SP8: variants seen among roughly 807,000 people sequenced by gnomAD.
SP8 encodes Sp8 transcription factor.
SP8 carries 7 observed loss-of-function variants against 15.3 expected under a neutral mutation model. That is an observed-to-expected ratio of 0.46 (90% confidence interval 0.26 to 0.86). SP8 has a LOEUF of 0.86. Among genes scored for constraint, SP8 ranks in the 40% least tolerant of loss-of-function variants. The probability of loss-of-function intolerance (pLI) is 0.16; values close to 1 mark genes in which losing one functional copy is unlikely to be tolerated. For synonymous variants in SP8, 415 were observed against 356.3 expected (o/e 1.16, Z -1.86); for missense variants, 731 against 736.4 (o/e 0.99, Z 0.09).
Position 20,786,019 on chromosome 7 carries a change from G to A in SP8, c.22-224C>T, listed in dbSNP as rs1488079531. ...GGAGGGGACAAGTTTGGCTGCCGGC[G>A]TCTGATTCGGGAGCAAGCACCACGC... On this transcript the variant is annotated intron_variant, in intron 1 of 1. Transcript: ENST00000418710. The surrounding 1 kb of genome is among the most constrained non-coding windows in gnomAD (Gnocchi z 4.4). 1.4e-6 allele frequency: 2 copies of A among 1,401,168 alleles called. No homozygotes were observed. The highest frequency in any genetic ancestry group is 1.4e-5 in the African/African-American group (1 of 69,156). The allele number at this position is 1,401,168 out of a possible 1,614,324, so 86.8% of individuals were successfully genotyped here.
At position 20,785,338 on chromosome 7, in the gene SP8, CCG is replaced by C; in HGVS notation, c.477_478del (p.Gly161ArgfsTer47). The C allele has an allele frequency of 4.0e-6, 5 of 1,249,650 alleles. No homozygotes were observed. The highest frequency in any genetic ancestry group is 4.2e-6 in the Non-Finnish European group (4 of 948,354). The allele number at this position is 1,249,650 out of a possible 1,614,324, so 77.4% of individuals were successfully genotyped here. On this transcript the variant is annotated frameshift_variant, in exon 2 of 2. Coordinates refer to ENST00000418710, the MANE Select transcript of SP8 (RefSeq NM_182700.6). LOFTEE classifies it low-confidence loss of function (END_TRUNC). This position sits in a 1 kb window ranked among gnomAD's most constrained non-coding sequence, Gnocchi z 7.2. ...CGCGGAGGAGCCGCCGCCGCCGCCC[CCG>C]CCGCCGCCGCCGCTGCCCCCGGAAA...
At position 20,785,807 on chromosome 7, in the gene SP8, A is replaced by G. The variant is rs753539005; in HGVS notation, c.22-12T>C. ...AACCTCGGTTCTTCCTGCGAGGAGGAGAGGAGAAGGAGTGGGGGAGGGGAG... is the reference window on the plus strand; with the variant it reads ...AACCTCGGTTCTTCCTGCGAGGAGGGGAGGAGAAGGAGTGGGGGAGGGGAG... On this transcript the variant is annotated splice_polypyrimidine_tract_variant and intron_variant, in intron 1 of 1. Coordinates refer to ENST00000418710, the MANE Select transcript of SP8 (RefSeq NM_182700.6). The surrounding 1 kb of genome is among the most constrained non-coding windows in gnomAD (Gnocchi z 7.2). The G allele has an allele frequency of 2.3e-5, 33 of 1,424,006 alleles. No individual in the cohort carries two copies. The Admixed American group carries it at 3.0e-4, about 13-fold the overall frequency. The allele number at this position is 1,424,006 out of a possible 1,614,324, so 88.2% of individuals were successfully genotyped here.
At position 20,785,453 on chromosome 7, in the gene SP8, T is replaced by C; in HGVS notation, c.364A>G (p.Ser122Gly). The C allele has an allele frequency of 4.3e-6, 5 of 1,162,878 alleles. No homozygotes were observed. Among genetic ancestry groups the C allele is most frequent in the Non-Finnish European group, 5.4e-6 (5 of 931,282 alleles). 72.0% of individuals were successfully genotyped at this position (1,162,878 alleles called of 1,614,324 possible). A position where few individuals can be genotyped will look rare whatever the true frequency, so the allele number is the denominator to read the frequency against. Residue 122 changes from serine to glycine, a missense_variant, in exon 2 of 2, where the codon AGC (serine) becomes GGC (glycine). By Grantham distance (56) the Ser-to-Gly change is moderately conservative (BLOSUM62 0). Transcript: ENST00000418710. This position sits in a 1 kb window ranked among gnomAD's most constrained non-coding sequence, Gnocchi z 7.2. ...GCGGCGGCGGCGGCGGCTGCGGCGC[T>C]GCTGGAGGTGAGGGAGAAGGCGCTG... is the stretch of plus-strand genomic sequence containing the variant. The part of the protein sequence containing the change: ...GSSAFSLTSS[S>G]AAAAAAAAAA...
Position 20,784,381 on chromosome 7 carries a change from T to G in SP8, c.1436A>C (p.Asp479Ala). Residue 479 changes from aspartate (D) to alanine (A), a missense_variant, in exon 2 of 2, where the codon GAC (aspartate) becomes GCC (alanine). This residue lies in a region of SP8 where 114 missense variants were observed against 111.9 expected (regional missense o/e 1.02). Coordinates refer to ENST00000418710, the MANE Select transcript of SP8 (RefSeq NM_182700.6). ...GSGGKKGSDT[D>A]SEHSAAGSPP... ...GCTGCCCGCGGCGCTGTGCTCGCTG[T>G]CGGTGTCGCTGCCCTTCTTGCCGCC... The G allele has an allele frequency of 1.3e-6, 2 of 1,526,464 alleles. No individual in the cohort carries two copies. Among genetic ancestry groups the G allele is most frequent in the Non-Finnish European group, 1.7e-6 (2 of 1,143,210 alleles). The allele number at this position is 1,526,464 out of a possible 1,614,324, so 94.6% of individuals were successfully genotyped here.
rs1404033554 is a variant in SP8 at position 20,782,796 on chromosome 7, T to G, written c.*1494A>C. 9 of 152,528 alleles carry G rather than the reference T, an allele frequency of 5.9e-5. No homozygotes were observed. The allele number at this position is 152,528 out of a possible 1,614,324, so 9.4% of individuals were successfully genotyped here. A position where few individuals can be genotyped will look rare whatever the true frequency, so the allele number is the denominator to read the frequency against. On this transcript the variant is annotated 3_prime_UTR_variant, in exon 2 of 2. Transcript: ENST00000418710. ...CCTCCAGAAGTGAGTTCAAAAAACCTGCAGCTCATCAGAACTGCAACAATA... is the reference window on the plus strand; with the variant it reads ...CCTCCAGAAGTGAGTTCAAAAAACCGGCAGCTCATCAGAACTGCAACAATA...
In SP8 at chr7:20,785,334, GCCC is replaced by G. The variant is rs1562606805; in HGVS notation, c.480_482del (p.Gly165del). 1 of 1,324,662 alleles carries G rather than the reference GCCC, an allele frequency of 7.5e-7. No homozygotes were observed. The highest frequency in any genetic ancestry group is 1.0e-6 in the Non-Finnish European group (1 of 982,390). The allele number at this position is 1,324,662 out of a possible 1,614,324, so 82.1% of individuals were successfully genotyped here. ...AGTGCGCGGAGGAGCCGCCGCCGCC[GCCC>G]CCGCCGCCGCCGCCGCTGCCCCCGG... On this transcript the variant is annotated inframe_deletion, in exon 2 of 2. Transcript: ENST00000418710. This position sits in a 1 kb window ranked among gnomAD's most constrained non-coding sequence, Gnocchi z 7.2.
In SP8 at chr7:20,785,304, C is replaced by A; in HGVS notation, c.513G>T (p.Gln171His). 1 of 1,535,530 alleles carries A rather than the reference C, an allele frequency of 6.5e-7. No homozygotes were observed. The highest frequency in any genetic ancestry group is 1.4e-5 in the African/African-American group (1 of 69,648). ...TGAACACCGGCTGGTGGGAGCCGTC[C>A]TGCGAGTGCGCGGAGGAGCCGCCGC... ...GGGGGSSAHS[Q>H]DGSHQPVFIS... The change falls in exon 2 of 2, where the codon CAG becomes CAT. Residue 171 changes from glutamine (Q) to histidine (H), a missense_variant. Coordinates refer to ENST00000418710, the MANE Select transcript of SP8 (RefSeq NM_182700.6). The surrounding 1 kb of genome is among the most constrained non-coding windows in gnomAD (Gnocchi z 7.2).
chr7:20,784,248 G>A lies in SP8; in HGVS notation c.*42C>T, dbSNP rs548994189. The A allele has an allele frequency of 4.8e-5, 69 of 1,425,106 alleles. No individual in the cohort carries two copies. The South Asian group carries it at 5.4e-4, about 11-fold the overall frequency. The allele number at this position is 1,425,106 out of a possible 1,614,324, so 88.3% of individuals were successfully genotyped here. A position where few individuals can be genotyped will look rare whatever the true frequency, so the allele number is the denominator to read the frequency against. On this transcript the variant is annotated 3_prime_UTR_variant, in exon 2 of 2. Transcript: ENST00000418710. ...GGACAGACAGGGCCCAAGAGGACTT[G>A]GTGGGAGGAGGTCGGGGAGAGGGGC...
At position 20,785,881 on chromosome 7, in the gene SP8, C is replaced by T; in HGVS notation, c.22-86G>A. 6.7e-7 allele frequency: 1 copy of T among 1,488,308 alleles called. No individual in the cohort carries two copies. Among genetic ancestry groups the T allele is most frequent in the African/African-American group, 1.4e-5 (1 of 72,188 alleles). 92.2% of individuals were successfully genotyped at this position (1,488,308 alleles called of 1,614,324 possible). ...GGAAAGGAAGAAATGTGCATCAGTC[C>T]TTCGGTAGCCTCCAAAGCGCCCCAC... is the stretch of plus-strand genomic sequence containing the variant. On this transcript the variant is annotated intron_variant, in intron 1 of 1. Transcript: ENST00000418710. This position sits in a 1 kb window ranked among gnomAD's most constrained non-coding sequence, Gnocchi z 7.2.
rs199726923 is a variant in SP8 at position 20,785,562 on chromosome 7, C to A, written c.255G>T (p.Ser85=). 1.3e-6 allele frequency: 2 copies of A among 1,588,748 alleles called. No individual in the cohort carries two copies. The highest frequency in any genetic ancestry group is 2.2e-5 in the South Asian group (2 of 89,224). The change falls in exon 2 of 2, where the codon TCG becomes TCT. Residue 85 remains serine, a synonymous_variant. Coordinates refer to ENST00000418710, the MANE Select transcript of SP8 (RefSeq NM_182700.6). This position sits in a 1 kb window ranked among gnomAD's most constrained non-coding sequence, Gnocchi z 7.2. ...SGASRNGGSS[S]AAAAAAAAAA... ...CTGCTGCCGCGGCCGCCGCAGCCGC[C>A]GAGGACGAGCCGCCGTTCCTGGAGG...
At position 20,783,855 on chromosome 7, in the gene SP8, C is replaced by T. The variant is rs1468210456; in HGVS notation, c.*435G>A. The T allele has an allele frequency of 1.6e-5, 2 of 124,234 alleles. No individual in the cohort carries two copies. The highest frequency in any genetic ancestry group is 1.9e-4 in the Admixed American group (2 of 10,330). 7.7% of individuals were successfully genotyped at this position (124,234 alleles called of 1,614,324 possible). On this transcript the variant is annotated 3_prime_UTR_variant, in exon 2 of 2. Coordinates refer to ENST00000418710, the MANE Select transcript of SP8 (RefSeq NM_182700.6). ...TCTCCACCGCTCCGCTCAGGCTTGT[C>T]AGCCGAGCCGCTCCTGCCCGCGCGA...
At position 20,784,903 on chromosome 7, in the gene SP8, A is replaced by T; in HGVS notation, c.914T>A (p.Leu305Gln). Residue 305 changes from leucine to glutamine, a missense_variant, in exon 2 of 2, where the codon CTA (leucine) becomes CAA (glutamine). By Grantham distance (113) the Leu-to-Gln change is moderately radical (BLOSUM62 -2). Transcript: ENST00000418710. ...QHLMDGFKPVLPGSYPDSAPS... is the reference protein window; with the variant it reads ...QHLMDGFKPVQPGSYPDSAPS... The stretch of plus-strand genomic sequence containing the variant: ...GGCCGAGTCCGGGTAGGAGCCGGGT[A>T]GCACTGGCTTGAAGCCGTCCATGAG... 6.5e-7 allele frequency: 1 copy of T among 1,537,184 alleles called. No homozygotes were observed. The highest frequency in any genetic ancestry group is 2.0e-5 in the Admixed American group (1 of 51,276).
chr7:20,786,784 A>C lies in SP8; in HGVS notation c.15T>G (p.Leu5=). 3 of 1,613,676 alleles carry C rather than the reference A, an allele frequency of 1.9e-6. No individual in the cohort carries two copies. Among genetic ancestry groups the C allele is most frequent in the Non-Finnish European group, 2.5e-6 (3 of 1,179,556 alleles). The change falls in exon 1 of 2, where the codon CTT becomes CTG. Residue 5 remains leucine (L), a synonymous_variant. Coordinates refer to ENST00000418710, the MANE Select transcript of SP8 (RefSeq NM_182700.6). The surrounding 1 kb of genome is among the most constrained non-coding windows in gnomAD (Gnocchi z 4.4). MATS[L]LGEEPRLGST... ...AGAAAATCCTGAGACTCACCCCTAGAAGTGAAGTTGCCATCACACAAAAGT... is the reference window on the plus strand; with the variant it reads ...AGAAAATCCTGAGACTCACCCCTAGCAGTGAAGTTGCCATCACACAAAAGT...
Position 20,785,190 on chromosome 7 carries a change from G to A in SP8, c.627C>T (p.Pro209=), listed in dbSNP as rs760220307. 1.6e-5 allele frequency: 25 copies of A among 1,600,402 alleles called. No homozygotes were observed. The highest frequency in any genetic ancestry group is 2.2e-5 in the South Asian group (2 of 89,380). Residue 209 remains proline, a synonymous_variant, in exon 2 of 2, where the codon CCC becomes CCT. Coordinates refer to ENST00000418710, the MANE Select transcript of SP8 (RefSeq NM_182700.6). The surrounding 1 kb of genome is among the most constrained non-coding windows in gnomAD (Gnocchi z 7.2). ...CCGCAGCACCCAGGCCCGGGTGCGAGGGCTTAAACCACGACTCGTACGGGT... is the reference window on the plus strand; with the variant it reads ...CCGCAGCACCCAGGCCCGGGTGCGAAGGCTTAAACCACGACTCGTACGGGT... ...MAHPYESWFK[P]SHPGLGAAGE... is the part of the protein sequence containing the mutation.
In SP8 at chr7:20,785,034, C is replaced by T. The variant is rs1179082846; in HGVS notation, c.783G>A (p.Ser261=). 7 of 1,578,180 alleles carry T rather than the reference C, an allele frequency of 4.4e-6. No individual in the cohort carries two copies. In the South Asian group the frequency reaches 6.8e-5, roughly 15 times the overall value. ...TGTAGCCTCCGAGCGGCGAGTGCAG[C>T]GAGGTTTGGAGCCCCCCGGCGGCAG... is the stretch of plus-strand genomic sequence containing the variant. ...LHPAAGGLQT[S]LHSPLGGYNS... is the part of the protein sequence containing the mutation. The change falls in exon 2 of 2, where the codon TCG becomes TCA. Residue 261 remains serine (S), a synonymous_variant. Transcript: ENST00000418710. This position sits in a 1 kb window ranked among gnomAD's most constrained non-coding sequence, Gnocchi z 7.2.
chr7:20,785,555 C>T lies in SP8; in HGVS notation c.262G>A (p.Ala88Thr). ...SRNGGSSSAA[A>T]AAAAAAAAAA... is the part of the protein sequence containing the mutation. ...GCCGCGGCTGCTGCCGCGGCCGCCGCAGCCGCCGAGGACGAGCCGCCGTTC... is the reference window on the plus strand; with the variant it reads ...GCCGCGGCTGCTGCCGCGGCCGCCGTAGCCGCCGAGGACGAGCCGCCGTTC... The change falls in exon 2 of 2, where the codon GCG becomes ACG. Residue 88 changes from alanine (A) to threonine (T), a missense_variant. Physicochemically the swap from Ala to Thr is moderately conservative, Grantham distance 58. Transcript: ENST00000418710. The surrounding 1 kb of genome is among the most constrained non-coding windows in gnomAD (Gnocchi z 7.2). The T allele has an allele frequency of 6.4e-7, 1 of 1,550,474 alleles. No individual in the cohort carries two copies. The highest frequency in any genetic ancestry group is 8.7e-7 in the Non-Finnish European group (1 of 1,151,966).
In SP8 at chr7:20,785,321, AGCCGCCGCCGCCGCCCCCGCCGCC is replaced by A; in HGVS notation, c.472_495del (p.Gly158_Gly165del). On this transcript the variant is annotated inframe_deletion, in exon 2 of 2. Transcript: ENST00000418710. The surrounding 1 kb of genome is among the most constrained non-coding windows in gnomAD (Gnocchi z 7.2). ...GAGCCGTCCTGCGAGTGCGCGGAGG[AGCCGCCGCCGCCGCCCCCGCCGCC>A]GCCGCCGCTGCCCCCGGAAACTCCG... is the stretch of plus-strand genomic sequence containing the variant. 5 of 1,488,014 alleles carry A rather than the reference AGCCGCCGCCGCCGCCCCCGCCGCC, an allele frequency of 3.4e-6. No homozygotes were observed. Among genetic ancestry groups the A allele is most frequent in the Non-Finnish European group, 4.5e-6 (5 of 1,118,440 alleles). The allele number at this position is 1,488,014 out of a possible 1,614,324, so 92.2% of individuals were successfully genotyped here. A position where few individuals can be genotyped will look rare whatever the true frequency, so the allele number is the denominator to read the frequency against.
In SP8 at chr7:20,786,650, A is replaced by G; in HGVS notation, c.21+128T>C. ...TTTCTCCAAACTCACTTGTATTTAA[A>G]GAAAAAAAAAAAAAGCTCTCAATAG... is the stretch of plus-strand genomic sequence containing the variant. On this transcript the variant is annotated intron_variant, in intron 1 of 1. Transcript: ENST00000418710. This position sits in a 1 kb window ranked among gnomAD's most constrained non-coding sequence, Gnocchi z 4.4. 1.3e-6 allele frequency: 1 copy of G among 786,208 alleles called. No individual in the cohort carries two copies. The highest frequency in any genetic ancestry group is 2.2e-6 in the Non-Finnish European group (1 of 456,066). The allele number at this position is 786,208 out of a possible 1,614,324, so 48.7% of individuals were successfully genotyped here.
rs775922924 is a variant in SP8, at chr7:20,786,582, G to A, written c.21+196C>T. Among the ~76,000 whole-genome samples the A allele has an allele frequency of 5.3e-5, 8 of 151,262 alleles. No individual in the cohort carries two copies. Among genetic ancestry groups the A allele is most frequent in the Non-Finnish European group, 1.2e-4 (8 of 67,848 alleles). On this transcript the variant is annotated intron_variant, in intron 1 of 1. Coordinates refer to ENST00000418710, the MANE Select transcript of SP8 (RefSeq NM_182700.6). This position sits in a 1 kb window ranked among gnomAD's most constrained non-coding sequence, Gnocchi z 4.4. ...CTAAATGCCCTTCGAACCTTTTCCT[G>A]CGCTGAAAAAAAGTGACTCTGCCCC...
Sources: allele counts gnomAD v4.1 joint callset (sites outside exome capture counted in the v4.1 genomes callset), GRCh38; gene constraint gnomAD v4.1.1; regional missense constraint gnomAD v4.1.1; non-coding constraint Gnocchi (gnomAD v3.1); transcripts MANE v1.5; gene names NCBI Gene and HGNC (gene_info 2026-07-23, HGNC 2026-07-21).